COQ7: variants seen among roughly 807,000 people sequenced by gnomAD.
COQ7 encodes NADPH-dependent 3-demethoxyubiquinone 3-hydroxylase, mitochondrial.
Under a neutral mutation model 25.0 loss-of-function variants are expected in COQ7, and 21 were observed. The observed-to-expected ratio is 0.84, with a 90% CI of 0.60 to 1.21. The LOEUF (loss-of-function observed/expected upper bound fraction) is 1.21, where lower values mean the gene tolerates loss of function less well. Ranked by LOEUF, COQ7 falls within the 50% of genes most tolerant of loss-of-function variation. COQ7 has a pLI of 0.00. For missense variants in COQ7, 311 were observed against 296.2 expected, an observed-to-expected ratio of 1.05 and a Z score of -0.37; for synonymous variants, 125 against 112.4, an observed-to-expected ratio of 1.11 and a Z score of -0.71.
intron 5 of COQ7, 56 bp from the exon 6 acceptor site, chr16:19,078,025 T>TA: frequency 7.0e-7 from 1 of 1,422,514 alleles, no homozygotes; most frequent in African/African-American, 1.5e-5. Context: ...CCCTGAATCT[T>TA]ACAACCGAAA....
chr16:19,071,991 G>A lies in COQ7; in HGVS notation c.137G>A (p.Arg46Gln), dbSNP rs374302625. ...GGAATGACTTTAGACAATATCAGTC[G>A]GGCAGCTGTGGATCGAATAATCCGG... ...SSGMTLDNIS[R>Q]AAVDRIIRVD... Residue 46 changes from arginine to glutamine, a missense_variant, in exon 2 of 6, where the codon CGG becomes CAG. Transcript: ENST00000321998. 124 of 1,614,106 alleles carry A rather than the reference G, an allele frequency of 7.7e-5. No homozygotes were observed. The highest frequency in any genetic ancestry group is 3.3e-4 in the Middle Eastern group (2 of 6,084).
rs1210641346 is a variant in COQ7 at position 19,078,874 on chromosome 16, C to T, written c.*716C>T. The T allele has an allele frequency of 1.3e-5, 2 of 152,074 alleles. No homozygotes were observed. The highest frequency in any genetic ancestry group is 2.9e-5 in the Non-Finnish European group (2 of 68,012). 9.4% of individuals were successfully genotyped at this position (152,074 alleles called of 1,614,324 possible). On this transcript the variant is annotated 3_prime_UTR_variant, in exon 6 of 6. Transcript: ENST00000321998. ...GAAACATGAGAGTATTTGAGATTGG[C>T]CAAGCAGAACTATGAAGTCCATCAA...
Position 19,068,370 on chromosome 16 carries a change from G to A in COQ7, c.73+633G>A, listed in dbSNP as rs184599042. The A allele has an allele frequency of 1.6e-5, 16 of 989,608 alleles. 1 individual carries two copies. The Admixed American group carries it at 7.8e-4, about 48-fold the overall frequency. The allele number at this position is 989,608 out of a possible 1,614,324, so 61.3% of individuals were successfully genotyped here. A position where few individuals can be genotyped will look rare whatever the true frequency, so the allele number is the denominator to read the frequency against. On this transcript the variant is annotated intron_variant, in intron 1 of 5. Transcript: ENST00000321998. ...GTGCTGCCTTAGAAAATTGTCATGA[G>A]CCCGGGCGCGGTGGCTCCGGCCTAT...
chr16:19,077,122 C>G (rs924668704), intron 4 of COQ7, among the ~76,000 whole-genome samples, 184 bp from the exon 5 acceptor site: 5 of 152,220 alleles, frequency 3.3e-5, no homozygotes. Flanking sequence ...ATGTCTCCGG[C>G]TGCTTTTCTG....
intron 3 of COQ7, among the ~76,000 whole-genome samples, chr16:19,074,446 A>T (rs1255845412): frequency 6.6e-6 from 1 of 151,602 alleles, no homozygotes; most frequent in East Asian, 1.9e-4. Flanking sequence ...AATCGCTTGA[A>T]CCTGGGAGCT....
chr16:19,076,695 G>A (rs1299125800), intron 4 of COQ7, among the ~76,000 whole-genome samples: 5 of 147,640 alleles, frequency 3.4e-5, no homozygotes, highest in African/African-American at 7.5e-5. Flanking sequence ...GGGTTCCAGC[G>A]ATTCTCCTGC....
intron 3 of COQ7, 63 bp from the exon 4 acceptor site, chr16:19,075,658 G>A: frequency 2.7e-6 from 4 of 1,504,412 alleles, no homozygotes; most frequent in Non-Finnish European, 2.7e-6. Flanking sequence ...CCTGGCCACA[G>A]ATGGTCTCCA....
At chr16:19,071,498 G>A (rs1292836241) in intron 1 of COQ7, among the ~76,000 whole-genome samples, 1 of 152,250 alleles carries the variant, frequency 6.6e-6, no homozygotes. Context: ...GAAGACTTAT[G>A]CACAGAGCTT....
rs779810012 is a variant in COQ7, at chr16:19,067,646, G to GCTTTTTTTAGTT, written c.-17_-6dup. 3.0e-5 allele frequency: 48 copies of GCTTTTTTTAGTT among 1,610,918 alleles called. No individual in the cohort carries two copies. The highest frequency in any genetic ancestry group is 3.2e-5 in the Non-Finnish European group (38 of 1,177,576). On this transcript the variant is annotated 5_prime_UTR_variant, in exon 1 of 6. Transcript: ENST00000321998. ...GCCAGTTCCGTTCAACGAAGTGGTT[G>GCTTTTTTTAGTT]CTTTTTTTAGTTCCGGCAATGAGTT...
chr16:19,082,277 C>T (rs1468324126), downstream of COQ7, among the ~76,000 whole-genome samples: 4 of 152,104 alleles, frequency 2.6e-5, no homozygotes, highest in East Asian at 1.9e-4. Flanking sequence ...AAATGTATGA[C>T]GTTGATTATT....
chr16:19,067,957 T>C (rs910358476), intron 1 of COQ7: 19 of 1,431,696 alleles, frequency 1.3e-5, no homozygotes, highest in Admixed American at 3.0e-5. Flanking sequence ...GTTTCGGCAG[T>C]GACGCCTGGG....
rs775388372 is a variant in COQ7 at position 19,072,096 on chromosome 16, C to T, written c.242C>T (p.Pro81Leu). The change falls in exon 2 of 6, where the codon CCA (proline) becomes CTA (leucine). Residue 81 changes from proline to leucine, a missense_variant. Physicochemically the swap from Pro to Leu is moderately conservative, Grantham distance 98. Transcript: ENST00000321998. ...MAVLGRTSVG[P>L]VIQKMWDQEK... ...GTCCTGGGTCGGACCAGCGTCGGGC[C>T]AGTCATTCAGGTGGGTGCTTCTTCA... is the stretch of plus-strand genomic sequence containing the variant. 4.3e-6 allele frequency: 7 copies of T among 1,614,118 alleles called. No individual in the cohort carries two copies. The South Asian group carries it at 7.7e-5, about 18-fold the overall frequency.
At chr16:19,076,881 C>G (rs7185369) in intron 4 of COQ7, among the ~76,000 whole-genome samples, 2 of 152,084 alleles carry the variant, frequency 1.3e-5, no homozygotes, top group Admixed American at 6.5e-5. Context: ...CGTGAGCCAC[C>G]GCGCCCGGCC....
At chr16:19,073,008 GA>G (rs1396542237) in intron 2 of COQ7, among the ~76,000 whole-genome samples, 3 of 151,952 alleles carry the variant, frequency 2.0e-5, no homozygotes, top group Non-Finnish European at 4.4e-5. Context: ...CCGTCTCTAC[GA>G]AAAATACAAA....
rs1963049240 is a variant in COQ7 at position 19,079,865 on chromosome 16, A to G, written c.*1707A>G. On this transcript the variant is annotated 3_prime_UTR_variant, in exon 6 of 6. Coordinates refer to ENST00000321998, the MANE Select transcript of COQ7 (RefSeq NM_016138.5). ...CTTTTCCTCAACCGAGAGTGAATTT[A>G]TGTAATTGAGTGAAAGTCTACGAAT... 6.6e-6 allele frequency: 1 copy of G among 152,196 alleles called. No individual in the cohort carries two copies. Among genetic ancestry groups the G allele is most frequent in the African/African-American group, 2.4e-5 (1 of 41,444 alleles). The allele number at this position is 152,196 out of a possible 1,614,324, so 9.4% of individuals were successfully genotyped here. A position where few individuals can be genotyped will look rare whatever the true frequency, so the allele number is the denominator to read the frequency against.
chr16:19,071,903 C>G lies in COQ7; in HGVS notation c.74-25C>G, dbSNP rs751258743. ...ACATCTGGATTTTACCTGATCATAA[C>G]GAAGAATAAACACTTGCATTTCAGC... On this transcript the variant is annotated intron_variant, in intron 1 of 5. Coordinates refer to ENST00000321998, the MANE Select transcript of COQ7 (RefSeq NM_016138.5). The G allele has an allele frequency of 5.0e-6, 8 of 1,613,212 alleles. No homozygotes were observed. The South Asian group carries it at 6.6e-5, about 13-fold the overall frequency.
At chr16:19,071,143 GTTTT>G (rs1567539671) in intron 1 of COQ7, among the ~76,000 whole-genome samples, 1 of 146,202 alleles carries the variant, frequency 6.8e-6, no homozygotes, top group African/African-American at 2.5e-5. Flanking sequence ...TTGTTTGTTT[GTTTT>G]TGTTTTTAGA....
chr16:19,077,307 T>G lies in COQ7; in HGVS notation c.509T>G (p.Leu170Arg). 6.2e-7 allele frequency: 1 copy of G among 1,614,014 alleles called. No individual in the cohort carries two copies. Among genetic ancestry groups the G allele is most frequent in the Non-Finnish European group, 8.5e-7 (1 of 1,179,904 alleles). The change falls in exon 5 of 6, where the codon CTG becomes CGG. Residue 170 changes from leucine (L) to arginine (R), a missense_variant and splice_region_variant. Leu to Arg is a moderately radical substitution (Grantham distance 102, BLOSUM62 -2). Transcript: ENST00000321998. ...DPEKYEELLQLIKKFRDEELE... is the reference protein window; with the variant it reads ...DPEKYEELLQRIKKFRDEELE... ...TTTGGTGTCTTTTTATTTAACCAGCTGATAAAGAAATTTCGGGATGAAGAG... is the reference window on the plus strand; with the variant it reads ...TTTGGTGTCTTTTTATTTAACCAGCGGATAAAGAAATTTCGGGATGAAGAG...
chr16:19,075,100 T>G (rs990478474), intron 3 of COQ7, among the ~76,000 whole-genome samples: 3 of 152,092 alleles, frequency 2.0e-5, no homozygotes, highest in Non-Finnish European at 4.4e-5. Flanking sequence ...ACTGTGTAAT[T>G]CCAGGTTTAA....
Sources: allele counts gnomAD v4.1 joint callset (sites outside exome capture counted in the v4.1 genomes callset), GRCh38; gene constraint gnomAD v4.1.1; transcripts MANE v1.5; gene names NCBI Gene and HGNC (gene_info 2026-07-23, HGNC 2026-07-21).